The following PLCB3 variants were observed in gnomAD, a reference collection of about 807,000 sequenced individuals.
The protein encoded by PLCB3 is phospholipase C beta 3, also known as 1-phosphatidylinositol 4,5-bisphosphate phosphodiesterase beta-3.
A neutral mutation model predicts 152.1 loss-of-function variants in PLCB3; 54 were observed. The observed-to-expected ratio is 0.36, with a 90% confidence interval of 0.29 to 0.45. The LOEUF (loss-of-function observed/expected upper bound fraction) is 0.45. Ranked by LOEUF, PLCB3 falls within the 20% of genes least tolerant of loss-of-function variation. The probability of loss-of-function intolerance (pLI) is 1.00; values close to 1 mark genes in which losing one functional copy is unlikely to be tolerated. For synonymous variants in PLCB3, 717 were observed against 698.7 expected (o/e 1.03, Z -0.41); for missense variants, 1,248 against 1,687.5 (o/e 0.74, Z 4.56).
At chr11:64,263,282 T>C in intron 19 of PLCB3, 1 of 555,296 alleles carries the variant, frequency 1.8e-6, no homozygotes, top group Non-Finnish European at 3.2e-6. Context: ...CTGCCTGTCA[T>C]CTTGCCTCAG....
At chr11:64,263,620 G>GCAGCA (rs1295311277) in intron 20 of PLCB3, 23 bp downstream of exon 20, 34 of 1,606,960 alleles carry the variant, frequency 2.1e-5, no homozygotes, top group Non-Finnish European at 2.8e-5. Flanking sequence ...TGGGCTCTGG[G>GCAGCA]CAGCACAGCG....
At position 64,258,759 on chromosome 11, in the gene PLCB3, T is replaced by C. The variant is rs2135050307; in HGVS notation, c.1253+46T>C. ...AAACCCCATGGACCGGGGGACAGTC[T>C]TCCAGCTTCAGTGCTGTTGGACTGC... On this transcript the variant is annotated intron_variant, in intron 11 of 30. Transcript: ENST00000279230. This position sits in a 1 kb window ranked among gnomAD's most constrained non-coding sequence, Gnocchi z 7.2. 6.2e-7 allele frequency: 1 copy of C among 1,609,768 alleles called. No homozygotes were observed. Among genetic ancestry groups the C allele is most frequent in the South Asian group, 1.1e-5 (1 of 90,852 alleles).
At position 64,255,639 on chromosome 11, in the gene PLCB3, C is replaced by CGGGGTGGGGGGGGGGGGGACTGGGGG. The variant is rs2135042668; in HGVS notation, c.597+32_597+33insGGGGGGGGGACTGGGGGGGGGTGGGG. 4.6e-6 allele frequency: 3 copies of CGGGGTGGGGGGGGGGGGGACTGGGGG among 645,318 alleles called. No homozygotes were observed. Among genetic ancestry groups the CGGGGTGGGGGGGGGGGGGACTGGGGG allele is most frequent in the Non-Finnish European group, 8.1e-6 (3 of 370,592 alleles). The allele number at this position is 645,318 out of a possible 1,614,324, so 40.0% of individuals were successfully genotyped here. ...CGGGTGTGTGGGGTGGGGACAGGGGCGGGGTGGGGTGTCACGGTGGGCACC... is the reference window on the plus strand; with the variant it reads ...CGGGTGTGTGGGGTGGGGACAGGGGCGGGGTGGGGGGGGGGGGGACTGGGGGGGGGTGGGGTGTCACGGTGGGCACC... On this transcript the variant is annotated intron_variant, in intron 7 of 30. Transcript: ENST00000279230. This position sits in a 1 kb window ranked among gnomAD's most constrained non-coding sequence, Gnocchi z 6.8.
At position 64,262,009 on chromosome 11, in the gene PLCB3, C is replaced by G; in HGVS notation, c.1971C>G (p.Ser657=). The G allele has an allele frequency of 6.2e-7, 1 of 1,614,200 alleles. No individual in the cohort carries two copies. The highest frequency in any genetic ancestry group is 8.5e-7 in the Non-Finnish European group (1 of 1,180,004). Residue 657 remains serine, a synonymous_variant, in exon 17 of 31, where the codon TCC becomes TCG. Coordinates refer to ENST00000279230, the MANE Select transcript of PLCB3 (RefSeq NM_000932.5). ...CCAAGGGCACCCGCGTGGACTCCTC[C>G]AACTACATGCCCCAGCTCTTCTGGA... The part of the protein sequence containing the change: ...IYPKGTRVDS[S]NYMPQLFWNV...
chr11:64,265,446 G>A lies in PLCB3; in HGVS notation c.2979G>A (p.Leu993=), dbSNP rs1351193572. ...CAGTCACCCTCACCCGCCGCCTGCT[G>A]GATGGCCTGGCTCAGGCACAGGCTG... The part of the protein sequence containing the change: ...RKAVTLTRRL[L]DGLAQAQAEG... The change falls in exon 25 of 31, where the codon CTG becomes CTA. Residue 993 remains leucine, a synonymous_variant. Coordinates refer to ENST00000279230, the MANE Select transcript of PLCB3 (RefSeq NM_000932.5). The A allele has an allele frequency of 1.2e-6, 2 of 1,610,182 alleles. No homozygotes were observed. Among genetic ancestry groups the A allele is most frequent in the South Asian group, 1.1e-5 (1 of 91,066 alleles).
In PLCB3 at chr11:64,267,685, C is replaced by A; in HGVS notation, c.*129C>A. 1.3e-6 allele frequency: 1 copy of A among 764,474 alleles called. No individual in the cohort carries two copies. Among genetic ancestry groups the A allele is most frequent in the Non-Finnish European group, 2.0e-6 (1 of 489,754 alleles). 47.4% of individuals were successfully genotyped at this position (764,474 alleles called of 1,614,324 possible). On this transcript the variant is annotated 3_prime_UTR_variant, in exon 31 of 31. Transcript: ENST00000279230. The surrounding 1 kb of genome is among the most constrained non-coding windows in gnomAD (Gnocchi z 5.2). ...AAATTTTATTTTTTTAAACCCGGGG[C>A]AAGTACCTCAGCTAACTCCCTTCAT...
At chr11:64,268,127 TC>T, downstream of PLCB3, among the ~76,000 whole-genome samples, 1 of 152,176 alleles carries the variant, frequency 6.6e-6, no homozygotes, top group East Asian at 1.9e-4. Context: ...CTGTTCCTGT[TC>T]CCCCATCCCC....
Position 64,255,639 on chromosome 11 carries a change from C to CGGGGTGGGGGGGGGGGGGACGGGGGG in PLCB3, c.597+32_597+33insGGGGGGGGGACGGGGGGGGGGTGGGG. The CGGGGTGGGGGGGGGGGGGACGGGGGG allele has an allele frequency of 1.5e-6, 1 of 645,328 alleles. No homozygotes were observed. The highest frequency in any genetic ancestry group is 2.7e-6 in the Non-Finnish European group (1 of 370,600). 40.0% of individuals were successfully genotyped at this position (645,328 alleles called of 1,614,324 possible). On this transcript the variant is annotated intron_variant, in intron 7 of 30. Coordinates refer to ENST00000279230, the MANE Select transcript of PLCB3 (RefSeq NM_000932.5). The surrounding 1 kb of genome is among the most constrained non-coding windows in gnomAD (Gnocchi z 6.8). ...CGGGTGTGTGGGGTGGGGACAGGGG[C>CGGGGTGGGGGGGGGGGGGACGGGGGG]GGGGTGGGGTGTCACGGTGGGCACC...
In PLCB3 at chr11:64,263,533, A is replaced by C. The variant is rs1362606375; in HGVS notation, c.2391A>C (p.Ala797=). 2.5e-6 allele frequency: 4 copies of C among 1,584,438 alleles called. No individual in the cohort carries two copies. The Admixed American group carries it at 5.5e-5, about 22-fold the overall frequency. ...CCACGCTGGCTTCACTTCGCATTGCAGCCTTTGAGGAGGGGGGTAAATTCG... is the reference window on the plus strand; with the variant it reads ...CCACGCTGGCTTCACTTCGCATTGCCGCCTTTGAGGAGGGGGGTAAATTCG... ...VLPTLASLRI[A]AFEEGGKFVG... The change falls in exon 20 of 31, where the codon GCA becomes GCC. Residue 797 remains alanine, a synonymous_variant. Transcript: ENST00000279230.
intron 17 of PLCB3, 35 bp downstream of exon 17, chr11:64,262,111 C>T: frequency 6.2e-7 from 1 of 1,613,394 alleles, no homozygotes; most frequent in Admixed American, 1.7e-5. Context: ...GACCCCGACC[C>T]TCAGTCTTAC....
rs373413779 is a variant in PLCB3, at chr11:64,262,208, G to A, written c.2038+132G>A. On this transcript the variant is annotated intron_variant, in intron 17 of 30. Coordinates refer to ENST00000279230, the MANE Select transcript of PLCB3 (RefSeq NM_000932.5). ...CAGATCCCAGGGGAACCCAGCTCCC[G>A]ACTCACCCCGCCTCCTGCCCTTGGC... is the stretch of plus-strand genomic sequence containing the variant. The A allele has an allele frequency of 6.0e-3, 8,194 of 1,376,540 alleles. 435 individuals carry two copies. The South Asian group carries it at 0.093, about 16-fold the overall frequency. 85.3% of individuals were successfully genotyped at this position (1,376,540 alleles called of 1,614,324 possible).
rs1233223236 is a variant in PLCB3, at chr11:64,267,193, G to C, written c.3423G>C (p.Glu1141Asp). The C allele has an allele frequency of 1.7e-5, 27 of 1,550,186 alleles. No individual in the cohort carries two copies. The highest frequency in any genetic ancestry group is 2.3e-5 in the Non-Finnish European group (26 of 1,146,966). Reference protein sequence around the residue: ...ESVNSIRRLEEAQKQRHDRLV... With the variant: ...ESVNSIRRLEDAQKQRHDRLV... The stretch of plus-strand genomic sequence containing the variant: ...CTTGCCCACCCCTGTAGCTGGAGGA[G>C]GCCCAGAAGCAGCGGCATGACCGTC... The change falls in exon 30 of 31, where the codon GAG becomes GAC. Residue 1141 changes from glutamate (E) to aspartate (D), a missense_variant. Coordinates refer to ENST00000279230, the MANE Select transcript of PLCB3 (RefSeq NM_000932.5). This position sits in a 1 kb window ranked among gnomAD's most constrained non-coding sequence, Gnocchi z 5.2.
At position 64,262,057 on chromosome 11, in the gene PLCB3, G is replaced by A. The variant is rs573307247; in HGVS notation, c.2019G>A (p.Ala673=). 2.3e-5 allele frequency: 37 copies of A among 1,614,090 alleles called. 1 individual carries two copies. Among genetic ancestry groups the A allele is most frequent in the South Asian group, 1.5e-4 (14 of 91,082 alleles). The change falls in exon 17 of 31, where the codon GCG becomes GCA. Residue 673 remains alanine (A), a synonymous_variant. Transcript: ENST00000279230. Reference sequence around the variant, plus strand: ...GGAACGTAGGGTGCCAGCTTGTTGCGCTCAACTTCCAGACCCTCGGTGAGC... The same window carrying A: ...GGAACGTAGGGTGCCAGCTTGTTGCACTCAACTTCCAGACCCTCGGTGAGC... ...LFWNVGCQLV[A]LNFQTLDVAM...
At chr11:64,264,233 T>A in intron 22 of PLCB3, 121 bp downstream of exon 22, 1 of 615,052 alleles carries the variant, frequency 1.6e-6, no homozygotes, top group Non-Finnish European at 2.6e-6. Flanking sequence ...TTGGCAGCCC[T>A]GGGATTTTGA....
In PLCB3 at chr11:64,251,618, C is replaced by T; in HGVS notation, c.-32C>T. On this transcript the variant is annotated 5_prime_UTR_variant, in exon 1 of 31. Transcript: ENST00000279230. ...GGCGCCGTCGGTCCCCGTCAGGGCT[C>T]CGTGGGTCCCCGACCCGCCCCTGGC... 1 of 1,276,882 alleles carries T rather than the reference C, an allele frequency of 7.8e-7. No individual in the cohort carries two copies. Among genetic ancestry groups the T allele is most frequent in the South Asian group, 1.7e-5 (1 of 59,564 alleles). 79.1% of individuals were successfully genotyped at this position (1,276,882 alleles called of 1,614,324 possible).
chr11:64,262,222 C>T (rs1048633580), intron 17 of PLCB3, 146 bp downstream of exon 17: 15 of 1,344,240 alleles, frequency 1.1e-5, no homozygotes, highest in Admixed American at 7.3e-5. Context: ...CACCCCGCCT[C>T]CTGCCCTTGG....
chr11:64,261,755 A>G (rs2031864058), intron 16 of PLCB3, 90 bp downstream of exon 16: 2 of 1,434,024 alleles, frequency 1.4e-6, no homozygotes, highest in Non-Finnish European at 2.0e-6. Flanking sequence ...TGCCACCTGC[A>G]CAGGGTGCTG....
intron 1 of PLCB3, among the ~76,000 whole-genome samples, chr11:64,253,064 C>A (rs929974265): frequency 6.6e-6 from 1 of 152,224 alleles, no homozygotes; most frequent in Non-Finnish European, 1.5e-5. Flanking sequence ...GCCTTCTGTT[C>A]CCAGATGAAC....
chr11:64,257,016 T>TTTTTTTTTTTTTTTTTTTTTTC lies in PLCB3; in HGVS notation c.1012+257_1012+258insTTTTTTTTTTTTTTTTCTTTTT, dbSNP rs771872374. Reference sequence around the variant, plus strand: ...AGGGTCCTTTTTTTTTTTTTTTTTTTTTTTTGAGACAGAGTTTCGCTCTTG... The same window carrying TTTTTTTTTTTTTTTTTTTTTTC: ...AGGGTCCTTTTTTTTTTTTTTTTTTTTTTTTTTTTTTTTTTTTTTTTCTTTTTGAGACAGAGTTTCGCTCTTG... On this transcript the variant is annotated intron_variant, in intron 10 of 30. Transcript: ENST00000279230. Among the ~76,000 whole-genome samples the TTTTTTTTTTTTTTTTTTTTTTC allele has an allele frequency of 1.6e-3, 197 of 120,620 alleles. 5 individuals carry two copies. Among genetic ancestry groups the TTTTTTTTTTTTTTTTTTTTTTC allele is most frequent in the African/African-American group, 5.1e-3 (173 of 34,062 alleles). 79.1% of individuals were successfully genotyped at this position (120,620 alleles called of 152,430 possible).
Sources: allele counts gnomAD v4.1 joint callset (sites outside exome capture counted in the v4.1 genomes callset), GRCh38; gene constraint gnomAD v4.1.1; non-coding constraint Gnocchi (gnomAD v3.1); transcripts MANE v1.5; gene names NCBI Gene and HGNC (gene_info 2026-07-23, HGNC 2026-07-21).